Variants in RBFOX1 observed in about 807,000 individuals in gnomAD.
The protein encoded by RBFOX1 is RNA binding protein fox-1 homolog 1.
Under a neutral mutation model 57.7 loss-of-function variants are expected in RBFOX1, and 8 were observed. The observed-to-expected ratio is 0.14, with a 90% CI of 0.08 to 0.25. The LOEUF is 0.25. Among genes scored for constraint, RBFOX1 ranks in the 10% least tolerant of loss-of-function variants. The pLI, the probability that RBFOX1 is intolerant of heterozygous loss-of-function variation, is 1.00. For missense variants in RBFOX1, 611 were observed against 548.5 expected (o/e 1.11, Z -1.14); for synonymous variants, 326 against 222.4 (o/e 1.47, Z -4.15).
At chr16:7,557,842 A>G (rs1411796079) in intron 5 of RBFOX1, among the ~76,000 whole-genome samples, 1 of 151,880 alleles carries the variant, frequency 6.6e-6, no homozygotes, top group African/African-American at 2.4e-5. Context: ...GCCAATTTCC[A>G]TGGTGCAAAT....
chr16:5,730,834 T>G lies in RBFOX1; in HGVS notation c.318+131873T>G, dbSNP rs1271282896. On this transcript the variant is annotated intron_variant, in intron 3 of 19. Transcript: ENST00000641259. ...AACACTGCCATTGTCACCACCATTATCATCATCATTGTCATTATCACTATC... is the reference window on the plus strand; with the variant it reads ...AACACTGCCATTGTCACCACCATTAGCATCATCATTGTCATTATCACTATC... Among the ~76,000 whole-genome samples, 5 of 151,986 alleles carry G rather than the reference T, an allele frequency of 3.3e-5. No individual in the cohort carries two copies. In the South Asian group the frequency reaches 8.3e-4, roughly 25 times the overall value.
chr16:5,569,014 TA>T lies in RBFOX1; in HGVS notation c.259-29887del, dbSNP rs765148709. 6.9e-5 allele frequency among the ~76,000 whole-genome samples: 8 copies of T among 115,538 alleles called. No homozygotes were observed. The East Asian group carries it at 1.7e-3, about 24-fold the overall frequency. The allele number at this position is 115,538 out of a possible 152,430, so 75.8% of individuals were successfully genotyped here. ...TGCCACCACGCCCGGCTAATTTTTG[TA>T]TTTTTTTTTTTTTTTTGGTAGAGGC... is the stretch of plus-strand genomic sequence containing the variant. On this transcript the variant is annotated intron_variant, in intron 2 of 2. Coordinates refer to the RBFOX1 transcript ENST00000585867.
chr16:5,996,638 A>T lies in RBFOX1; in HGVS notation c.351+129303A>T, dbSNP rs1156756291. ...TGTACCCTAGGGCTAATTGCAGCAT[A>T]GGCATTTACCACCTTGGGGCTTGAA... On this transcript the variant is annotated intron_variant, in intron 4 of 19. Transcript: ENST00000641259. Among the ~76,000 whole-genome samples, 4 of 152,112 alleles carry T rather than the reference A, an allele frequency of 2.6e-5. No homozygotes were observed. In the East Asian group the frequency reaches 7.7e-4, roughly 29 times the overall value.
chr16:7,504,132 A>T (rs1158725579), intron 4 of RBFOX1, among the ~76,000 whole-genome samples: 1 of 152,144 alleles, frequency 6.6e-6, no homozygotes, highest in Non-Finnish European at 1.5e-5. Flanking sequence ...GGTTGGTACA[A>T]ATTTCTTCAT....
At chr16:5,652,182 G>C (rs2049263472) in intron 3 of RBFOX1, among the ~76,000 whole-genome samples, 1 of 152,110 alleles carries the variant, frequency 6.6e-6, no homozygotes, top group African/African-American at 2.4e-5. Context: ...GATATTGACA[G>C]AGTTAACATA....
rs142579313 is a variant in RBFOX1, at chr16:6,948,063, G to A, written c.-15-103994G>A. ...CAAAATGTTGGGATTACAAGCATCA[G>A]CCACCATGGCCTGGCCTACATATTC... On this transcript the variant is annotated intron_variant, in intron 3 of 15. Coordinates refer to ENST00000550418, the MANE Select transcript of RBFOX1 (RefSeq NM_018723.4). Among the ~76,000 whole-genome samples the A allele has an allele frequency of 3.5e-4, 54 of 152,212 alleles. 1 individual carries two copies. In the East Asian group the frequency reaches 8.7e-3, roughly 25 times the overall value.
At chr16:7,660,792 A>G (rs2067525883) in intron 12 of RBFOX1, among the ~76,000 whole-genome samples, 1 of 152,212 alleles carries the variant, frequency 6.6e-6, no homozygotes, top group African/African-American at 2.4e-5. Flanking sequence ...GGGCCCAGCC[A>G]TCTGTGTTTC....
At chr16:7,268,032 A>T (rs2095216031) in intron 4 of RBFOX1, among the ~76,000 whole-genome samples, 1 of 152,182 alleles carries the variant, frequency 6.6e-6, no homozygotes, top group Non-Finnish European at 1.5e-5. Flanking sequence ...GTAGCCTACG[A>T]CACATCTAGG....
chr16:7,629,072 G>C (rs1336650219), intron 10 of RBFOX1, among the ~76,000 whole-genome samples: 1 of 152,186 alleles, frequency 6.6e-6, no homozygotes, highest in Non-Finnish European at 1.5e-5. Flanking sequence ...GCGGGTGGGG[G>C]TGGCTGTTCT....
chr16:6,783,274 G>C (rs2081335201), intron 3 of RBFOX1, among the ~76,000 whole-genome samples: 1 of 150,330 alleles, frequency 6.7e-6, no homozygotes, highest in Non-Finnish European at 1.5e-5. Context: ...CCGCCATTTA[G>C]TTGTTTTTTG....
At chr16:6,693,492 C>G (rs1055067115) in intron 3 of RBFOX1, among the ~76,000 whole-genome samples, 2 of 151,714 alleles carry the variant, frequency 1.3e-5, no homozygotes, top group Non-Finnish European at 2.9e-5. Context: ...ACTACCATCA[C>G]CACCATCATC....
At chr16:7,125,383 G>C (rs534853086) in intron 4 of RBFOX1, among the ~76,000 whole-genome samples, 2 of 152,284 alleles carry the variant, frequency 1.3e-5, no homozygotes, top group African/African-American at 4.8e-5. Context: ...ATCAATAGAT[G>C]GTTGATACCT....
At chr16:5,624,505 A>G (rs1248439346) in intron 3 of RBFOX1, among the ~76,000 whole-genome samples, 3 of 152,156 alleles carry the variant, frequency 2.0e-5, no homozygotes, top group South Asian at 4.1e-4. Flanking sequence ...CCACCCAGAG[A>G]CTTTTAAAGC....
intron 4 of RBFOX1, among the ~76,000 whole-genome samples, chr16:7,403,924 T>TAC (rs1369006776): frequency 6.6e-6 from 1 of 150,396 alleles, no homozygotes; most frequent in Non-Finnish European, 1.5e-5. Context: ...TATATATATA[T>TAC]ATAACCTTTT....
intron 2 of RBFOX1, 68 bp from the exon 3 acceptor site, chr16:6,654,535 A>G: frequency 1.6e-6 from 2 of 1,260,620 alleles, no homozygotes; most frequent in Non-Finnish European, 2.2e-6. Flanking sequence ...ACACCACTGA[A>G]TGTTCTCTGA....
chr16:7,109,010 AAAAGAGGG>A (rs1341631329), intron 4 of RBFOX1, among the ~76,000 whole-genome samples: 1 of 152,182 alleles, frequency 6.6e-6, no homozygotes, highest in Non-Finnish European at 1.5e-5. Context: ...AATGGGATGG[AAAAGAGGG>A]CAGTATACGT....
At chr16:7,309,793 C>G (rs1425371704) in intron 4 of RBFOX1, among the ~76,000 whole-genome samples, 2 of 152,178 alleles carry the variant, frequency 1.3e-5, no homozygotes, top group African/African-American at 2.4e-5. Context: ...GTTGCTGACT[C>G]TGTGCCTAAG....
rs534041242 is a variant in RBFOX1 at position 5,969,874 on chromosome 16, T to G, written c.351+102539T>G. Among the ~76,000 whole-genome samples the G allele has an allele frequency of 2.6e-5, 4 of 152,232 alleles. No homozygotes were observed. In the East Asian group the frequency reaches 5.8e-4, roughly 22 times the overall value. ...GTGTGGATGGTCCTCCAAGCAACTC[T>G]GACTGGTTAGTTGAGTTTGGGAGTT... On this transcript the variant is annotated intron_variant, in intron 4 of 19. Transcript: ENST00000641259.
intron 2 of RBFOX1, among the ~76,000 whole-genome samples, chr16:5,492,632 G>A (rs759137526): frequency 6.6e-6 from 1 of 152,220 alleles, no homozygotes; most frequent in Non-Finnish European, 1.5e-5. Context: ...CATTAGTTTT[G>A]TGAGTGAGTC....
Sources: allele counts gnomAD v4.1 joint callset (sites outside exome capture counted in the v4.1 genomes callset), GRCh38; gene constraint gnomAD v4.1.1; transcripts MANE v1.5; gene names NCBI Gene and HGNC (gene_info 2026-07-23, HGNC 2026-07-21).